The following ALOX15 variants were observed in gnomAD, a reference collection of about 807,000 sequenced individuals.
The protein encoded by ALOX15 is polyunsaturated fatty acid lipoxygenase ALOX15.
In ALOX15, 68 loss-of-function variants were observed where a neutral mutation model predicts 71.7. The ratio of observed to expected loss-of-function variants is 0.95; its 90% confidence interval spans 0.78 to 1.16. The LOEUF is 1.16. ALOX15 is among the 50% of genes most tolerant of loss of function. ALOX15 has a pLI of 0.00. For missense variants in ALOX15, 798 were observed against 818.8 expected, an observed-to-expected ratio of 0.97 and a Z score of 0.31; for synonymous variants, 346 against 333.3, an observed-to-expected ratio of 1.04 and a Z score of -0.42.
intron 1 of ALOX15, 34 bp downstream of exon 1, chr17:4,641,483 C>T (rs774062630): frequency 2.1e-5 from 34 of 1,600,954 alleles, no homozygotes; most frequent in Admixed American, 1.0e-4. Context: ...GAGCCAGGGG[C>T]GCAGCCCACC....
intron 1 of ALOX15, among the ~76,000 whole-genome samples, chr17:4,641,198 G>A (rs1489245433): frequency 2.0e-5 from 3 of 151,556 alleles, no homozygotes; most frequent in Non-Finnish European, 4.4e-5. Context: ...TTAAAATAGA[G>A]AAAGCGAGAG....
At chr17:4,638,738 G>A in intron 4 of ALOX15, 54 bp from the exon 5 acceptor site, 4 of 1,613,270 alleles carry the variant, frequency 2.5e-6, no homozygotes, top group East Asian at 2.2e-5. Context: ...GCTCTAACAT[G>A]ACGACCACAG....
chr17:4,632,929 T>C lies in ALOX15; in HGVS notation c.1472A>G (p.Asp491Gly). The stretch of plus-strand genomic sequence containing the variant: ...ACACCAGGTCTGCAGCTCTGGGTCG[T>C]CTTTCACAGCCACGTCTGTCTTATA... The part of the protein sequence containing the change: ...LHYKTDVAVK[D>G]DPELQTWCRE... The change falls in exon 11 of 14, where the codon GAC becomes GGC. Residue 491 changes from aspartate (D) to glycine (G), a missense_variant. Transcript: ENST00000293761. 1 of 1,614,092 alleles carries C rather than the reference T, an allele frequency of 6.2e-7. No homozygotes were observed. The highest frequency in any genetic ancestry group is 8.5e-7 in the Non-Finnish European group (1 of 1,180,016).
At chr17:4,637,284 T>A (rs778687583) in intron 6 of ALOX15, 26 bp from the exon 7 acceptor site, 1 of 1,590,752 alleles carries the variant, frequency 6.3e-7, no homozygotes, top group South Asian at 1.1e-5. Flanking sequence ...GGTCAAGGGC[T>A]GCTATCAACA....
chr17:4,632,661 C>T (rs932982655), intron 11 of ALOX15, among the ~76,000 whole-genome samples, 200 bp downstream of exon 11: 6 of 152,162 alleles, frequency 3.9e-5, no homozygotes, highest in African/African-American at 7.2e-5. Context: ...CCACTGGTCC[C>T]GCTGCATCTG....
At chr17:4,634,596 G>A (rs1217536452) in intron 8 of ALOX15, among the ~76,000 whole-genome samples, 2 of 151,192 alleles carry the variant, frequency 1.3e-5, no homozygotes, top group Admixed American at 1.3e-4. Flanking sequence ...AAATATTAAT[G>A]CTACATATAT....
In ALOX15 at chr17:4,631,997, G is replaced by A; in HGVS notation, c.1701C>T (p.Thr567=). 6.2e-7 allele frequency: 1 copy of A among 1,614,044 alleles called. No homozygotes were observed. The highest frequency in any genetic ancestry group is 1.3e-5 in the African/African-American group (1 of 75,078). Residue 567 remains threonine (T), a synonymous_variant, in exon 13 of 14, where the codon ACC becomes ACT. Transcript: ENST00000293761. ...CTGTCTCCAGCGTTGCATCCTTGGT[G>A]GTTGGCGGGGGCAGCCGCATCGTGC... ...APCTMRLPPP[T]TKDATLETVM...
chr17:4,641,437 G>C (rs1002442679), intron 1 of ALOX15, 80 bp downstream of exon 1: 7 of 1,538,434 alleles, frequency 4.6e-6, no homozygotes, highest in Non-Finnish European at 6.1e-6. Context: ...AGAGGCCAAC[G>C]GGGGCGCATG....
rs568323228 is a variant in ALOX15 at position 4,631,064 on chromosome 17, C to A, written c.*536G>T. The A allele has an allele frequency of 6.6e-6, 1 of 152,162 alleles. No homozygotes were observed. Among genetic ancestry groups the A allele is most frequent in the Non-Finnish European group, 1.5e-5 (1 of 68,180 alleles). 9.4% of individuals were successfully genotyped at this position (152,162 alleles called of 1,614,324 possible). On this transcript the variant is annotated 3_prime_UTR_variant, in exon 14 of 14. Transcript: ENST00000293761. ...GCAACATAGTGAGGCCCCGTCTCCA[C>A]GAAAATAAAAAAATATTAGCTGGGC...
chr17:4,634,780 A>G (rs1911036422), intron 8 of ALOX15, among the ~76,000 whole-genome samples: 1 of 151,794 alleles, frequency 6.6e-6, no homozygotes, highest in Admixed American at 6.6e-5. Flanking sequence ...GGAGTTTCAG[A>G]CCAGCCTGAC....
Position 4,631,995 on chromosome 17 carries a change from G to T in ALOX15, c.1703C>A (p.Thr568Asn). The change falls in exon 13 of 14, where the codon ACC becomes AAC. Residue 568 changes from threonine (T) to asparagine (N), a missense_variant. Thr to Asn is a moderately conservative substitution (Grantham distance 65). Transcript: ENST00000293761. ...PCTMRLPPPT[T>N]KDATLETVMA... is the part of the protein sequence containing the mutation. ...CACTGTCTCCAGCGTTGCATCCTTG[G>T]TGGTTGGCGGGGGCAGCCGCATCGT... 1.2e-6 allele frequency: 2 copies of T among 1,614,080 alleles called. No individual in the cohort carries two copies. Among genetic ancestry groups the T allele is most frequent in the South Asian group, 2.2e-5 (2 of 91,056 alleles).
At position 4,632,065 on chromosome 17, in the gene ALOX15, G is replaced by A. The variant is rs1338889400; in HGVS notation, c.1642-9C>T. 2.5e-6 allele frequency: 4 copies of A among 1,609,792 alleles called. No homozygotes were observed. In the South Asian group the frequency reaches 3.3e-5, roughly 13 times the overall value. On this transcript the variant is annotated splice_polypyrimidine_tract_variant and intron_variant, in intron 12 of 13. Transcript: ENST00000293761. The stretch of plus-strand genomic sequence containing the variant: ...CAAGAGTACCAGTCCAGCTAAGGAA[G>A]GGCAGGGATCCAGAGTCAGTGCCTA...
At chr17:4,637,400 C>T in intron 6 of ALOX15, 142 bp from the exon 7 acceptor site, 1 of 1,004,164 alleles carries the variant, frequency 1.0e-6, no homozygotes, top group East Asian at 3.0e-5. Context: ...TGCTTACTTC[C>T]TCATATCATT....
intron 11 of ALOX15, 100 bp downstream of exon 11, chr17:4,632,761 T>C (rs993535705): frequency 1.9e-6 from 3 of 1,568,064 alleles, no homozygotes. Context: ...TTCTCATAGG[T>C]GTTGAAAATG....
At chr17:4,634,958 G>A (rs146924743) in intron 8 of ALOX15, among the ~76,000 whole-genome samples, 1 of 76,424 alleles carries the variant, frequency 1.3e-5, no homozygotes, top group African/African-American at 3.3e-5. Flanking sequence ...AGCCTGGGCA[G>A]CAATAATAAT....
At chr17:4,639,402 C>T (rs1911236011) in intron 2 of ALOX15, 28 bp downstream of exon 2, 1 of 1,612,514 alleles carries the variant, frequency 6.2e-7, no homozygotes, top group Admixed American at 1.7e-5. Context: ...GCCCAGAGGC[C>T]TCCTGACACC....
In ALOX15 at chr17:4,635,801, C is replaced by T. The variant is rs771237349; in HGVS notation, c.1119G>A (p.Val373=). Residue 373 remains valine, a synonymous_variant, in exon 8 of 14, where the codon GTG becomes GTA. Coordinates refer to ENST00000293761, the MANE Select transcript of ALOX15 (RefSeq NM_001140.5). ...RGHLMAEVIV[V]ATMRCLPSIH... ...TCGACGGCAGGCACCTCATGGTGGC[C>T]ACAACAATGACCTCAGCCATCAAGT... 6.2e-7 allele frequency: 1 copy of T among 1,614,232 alleles called. No homozygotes were observed. The highest frequency in any genetic ancestry group is 1.7e-5 in the Admixed American group (1 of 60,032).
chr17:4,639,309 CCA>C (rs1371215095), intron 2 of ALOX15, 119 bp downstream of exon 2: 2 of 1,430,714 alleles, frequency 1.4e-6, no homozygotes, highest in African/African-American at 2.8e-5. Context: ...TTCGACACCC[CCA>C]AAGACCCCGG....
Position 4,638,880 on chromosome 17 carries a change from C to G in ALOX15, c.512G>C (p.Arg171Thr). 1 of 1,614,252 alleles carries G rather than the reference C, an allele frequency of 6.2e-7. No homozygotes were observed. The highest frequency in any genetic ancestry group is 1.1e-5 in the South Asian group (1 of 91,090). The change falls in exon 4 of 14, where the codon AGA (arginine) becomes ACA (threonine). Residue 171 changes from arginine to threonine, a missense_variant. By Grantham distance (71) the Arg-to-Thr change is moderately conservative. Transcript: ENST00000293761. ...GGCCAGCGAAACCTCAAAGTCAACT[C>G]TCTTGTCTTCCAGAAATCGCTCATC... ...PVDERFLEDKRVDFEVSLAKG... is the reference protein window; with the variant it reads ...PVDERFLEDKTVDFEVSLAKG...
Sources: allele counts gnomAD v4.1 joint callset (sites outside exome capture counted in the v4.1 genomes callset), GRCh38; gene constraint gnomAD v4.1.1; transcripts MANE v1.5; gene names NCBI Gene and HGNC (gene_info 2026-07-23, HGNC 2026-07-21).